Variants in SCARF2 observed in about 807,000 individuals in gnomAD.
SCARF2 encodes scavenger receptor expressed by endothelial cells 2 protein.
A neutral mutation model predicts 73.4 loss-of-function variants in SCARF2; 39 were observed. That is an observed-to-expected ratio of 0.53 (90% confidence interval 0.41 to 0.69). The LOEUF (loss-of-function observed/expected upper bound fraction) is 0.69, where lower values mean the gene tolerates loss of function less well. Among genes scored for constraint, SCARF2 ranks in the 30% least tolerant of loss-of-function variants. The pLI is 0.00. For missense variants in SCARF2, 1,148 were observed against 1,303.5 expected (o/e 0.88, Z 1.84); for synonymous variants, 605 against 590.0 (o/e 1.03, Z -0.37).
chr22:20,427,546 G>A lies in SCARF2; in HGVS notation c.1545C>T (p.Ala515=), dbSNP rs760364705. The part of the protein sequence containing the change: ...RRQKLPKVVV[A]HHDLDNTLNC... ...TGAGTGTGTTATCCAGGTCGTGGTG[G>A]GCCACTGGGGAAGGATGAGGCAGAG... The change falls in exon 10 of 11, where the codon GCC becomes GCT. Residue 515 remains alanine (A), a synonymous_variant. Transcript: ENST00000622235. The A allele has an allele frequency of 2.5e-5, 41 of 1,613,070 alleles. No homozygotes were observed. Among genetic ancestry groups the A allele is most frequent in the Non-Finnish European group, 3.3e-5 (39 of 1,179,978 alleles).
chr22:20,435,986 G>GA (rs1395811480), intron 1 of SCARF2, among the ~76,000 whole-genome samples: 1 of 152,262 alleles, frequency 6.6e-6, no homozygotes, highest in Non-Finnish European at 1.5e-5. Context: ...ACATGACCCA[G>GA]ACCCCAGGTG....
In SCARF2 at chr22:20,425,753, G is replaced by C; in HGVS notation, c.2223C>G (p.Ala741=). Residue 741 remains alanine (A), a synonymous_variant, in exon 11 of 11, where the codon GCC becomes GCG. Coordinates refer to ENST00000622235, the MANE Select transcript of SCARF2 (RefSeq NM_182895.5). This position sits in a 1 kb window ranked among gnomAD's most constrained non-coding sequence, Gnocchi z 4.6. ...TALAAPSPPR[A]RARGRGPGLL... ...GGCCGGGGCCGCGGCCCCGCGCTCG[G>C]GCCCTGGGCGGCGAGGGCGCAGCGA... The C allele has an allele frequency of 7.8e-7, 1 of 1,284,586 alleles. No individual in the cohort carries two copies. Among genetic ancestry groups the C allele is most frequent in the Non-Finnish European group, 9.8e-7 (1 of 1,021,792 alleles). 79.6% of individuals were successfully genotyped at this position (1,284,586 alleles called of 1,614,324 possible). A position where few individuals can be genotyped will look rare whatever the true frequency, so the allele number is the denominator to read the frequency against.
Position 20,430,450 on chromosome 22 carries a change from C to G in SCARF2, c.1181G>C (p.Ser394Thr), listed in dbSNP as rs755363268. 4 of 1,592,710 alleles carry G rather than the reference C, an allele frequency of 2.5e-6. No individual in the cohort carries two copies. The highest frequency in any genetic ancestry group is 2.7e-5 in the African/African-American group (2 of 74,450). ...CDFQSGRCLC[S>T]PGVHGPHCNV... ...TCACTGGGGCCCGTGGACGCCAGGG[C>G]TGCACAGGCAGCGCCCCGACTGGAA... The change falls in exon 6 of 11, where the codon AGC (serine) becomes ACC (threonine). Residue 394 changes from serine to threonine, a missense_variant. Physicochemically the swap from Ser to Thr is moderately conservative, Grantham distance 58 (BLOSUM62 1). Coordinates refer to ENST00000622235, the MANE Select transcript of SCARF2 (RefSeq NM_182895.5).
chr22:20,425,022 A>C lies in SCARF2; in HGVS notation c.*353T>G. 3 of 234,086 alleles carry C rather than the reference A, an allele frequency of 1.3e-5. No individual in the cohort carries two copies. Among genetic ancestry groups the C allele is most frequent in the Non-Finnish European group, 8.3e-6 (1 of 120,732 alleles). 14.5% of individuals were successfully genotyped at this position (234,086 alleles called of 1,614,324 possible). A position where few individuals can be genotyped will look rare whatever the true frequency, so the allele number is the denominator to read the frequency against. On this transcript the variant is annotated 3_prime_UTR_variant, in exon 11 of 11. Coordinates refer to ENST00000622235, the MANE Select transcript of SCARF2 (RefSeq NM_182895.5). The surrounding 1 kb of genome is among the most constrained non-coding windows in gnomAD (Gnocchi z 4.6). ...CTCTGGCTGCAACCAATGAGAAGGT[A>C]GCCCTAACCAAGTCCACTCCTGGCC...
chr22:20,425,324 C>A lies in SCARF2; in HGVS notation c.*51G>T, dbSNP rs1300700272. 3 of 1,309,442 alleles carry A rather than the reference C, an allele frequency of 2.3e-6. No homozygotes were observed. Among genetic ancestry groups the A allele is most frequent in the Non-Finnish European group, 2.9e-6 (3 of 1,020,178 alleles). 81.1% of individuals were successfully genotyped at this position (1,309,442 alleles called of 1,614,324 possible). A position where few individuals can be genotyped will look rare whatever the true frequency, so the allele number is the denominator to read the frequency against. On this transcript the variant is annotated 3_prime_UTR_variant, in exon 11 of 11. Coordinates refer to ENST00000622235, the MANE Select transcript of SCARF2 (RefSeq NM_182895.5). This position sits in a 1 kb window ranked among gnomAD's most constrained non-coding sequence, Gnocchi z 4.6. ...CGGTAGCGTGGGAGGTGTGGGGTGGCGGGCGGCGCTGCGAAGCTGAGGGAG... is the reference window on the plus strand; with the variant it reads ...CGGTAGCGTGGGAGGTGTGGGGTGGAGGGCGGCGCTGCGAAGCTGAGGGAG...
rs144723894 is a variant in SCARF2, at chr22:20,428,058, G to A, written c.1541-508C>T. On this transcript the variant is annotated intron_variant, in intron 9 of 10. Transcript: ENST00000622235. ...GCAGACCCCACAACAGGGGGCCCCA[G>A]AAGCTGGCTAGCCTGGCCTCCATTC... 4.5e-4 allele frequency among the ~76,000 whole-genome samples: 68 copies of A among 152,290 alleles called. 1 individual carries two copies. The East Asian group carries it at 0.013, about 28-fold the overall frequency.
chr22:20,427,265 C>T, intron 10 of SCARF2, 133 bp downstream of exon 10: 2 of 1,122,950 alleles, frequency 1.8e-6, no homozygotes, highest in East Asian at 2.6e-5. Flanking sequence ...TGTGGGCAAC[C>T]CTCAGGTACC....
rs746221356 is a variant in SCARF2, at chr22:20,437,710, CCGGCGCCG to C, written c.37_44del (p.Arg13GlyfsTer112). The C allele has an allele frequency of 7.1e-7, 1 of 1,416,378 alleles. No homozygotes were observed. Among genetic ancestry groups the C allele is most frequent in the South Asian group, 1.4e-5 (1 of 69,924 alleles). 87.7% of individuals were successfully genotyped at this position (1,416,378 alleles called of 1,614,324 possible). A position where few individuals can be genotyped will look rare whatever the true frequency, so the allele number is the denominator to read the frequency against. On this transcript the variant is annotated frameshift_variant, in exon 1 of 11. Transcript: ENST00000622235. LOFTEE classifies it high-confidence loss of function. ...GCGGTGACGGCGGCCCCCCGGCTCC[CCGGCGCCG>C]CGCCGGCCCGGCCCCCCGGGGCCCT...
In SCARF2 at chr22:20,425,533, C is replaced by T. The variant is rs1403325661; in HGVS notation, c.2443G>A (p.Ala815Thr). 6.0e-6 allele frequency: 8 copies of T among 1,338,638 alleles called. No individual in the cohort carries two copies. Among genetic ancestry groups the T allele is most frequent in the Non-Finnish European group, 7.6e-6 (8 of 1,047,568 alleles). The allele number at this position is 1,338,638 out of a possible 1,614,324, so 82.9% of individuals were successfully genotyped here. The change falls in exon 11 of 11, where the codon GCG (alanine) becomes ACG (threonine). Residue 815 changes from alanine to threonine, a missense_variant. By Grantham distance (58) the Ala-to-Thr change is moderately conservative. This residue lies in a region of SCARF2 where 169 missense variants were observed against 136.9 expected (regional missense o/e 1.23). Coordinates refer to ENST00000622235, the MANE Select transcript of SCARF2 (RefSeq NM_182895.5). The surrounding 1 kb of genome is among the most constrained non-coding windows in gnomAD (Gnocchi z 4.6). ...RSVPPASPAR[A>T]PPATETPGPE... ...CCCGGGGTTTCGGTCGCTGGGGGCG[C>T]GCGGGCGGGCGAGGCTGGCGGCACG...
rs150565069 is a variant in SCARF2 at position 20,427,540 on chromosome 22, G to C, written c.1551C>G (p.His517Gln). The change falls in exon 10 of 11, where the codon CAC (histidine) becomes CAG (glutamine). Residue 517 changes from histidine (H) to glutamine (Q), a missense_variant. This residue lies in a region of SCARF2 where 437 missense variants were observed against 433.6 expected (regional missense o/e 1.01). Coordinates refer to ENST00000622235, the MANE Select transcript of SCARF2 (RefSeq NM_182895.5). ...TGCAGTTGAGTGTGTTATCCAGGTCGTGGTGGGCCACTGGGGAAGGATGAG... is the reference window on the plus strand; with the variant it reads ...TGCAGTTGAGTGTGTTATCCAGGTCCTGGTGGGCCACTGGGGAAGGATGAG... ...QKLPKVVVAH[H>Q]DLDNTLNCSF... 7 of 1,613,176 alleles carry C rather than the reference G, an allele frequency of 4.3e-6. No homozygotes were observed. Among genetic ancestry groups the C allele is most frequent in the South Asian group, 1.1e-5 (1 of 91,048 alleles).
Position 20,437,651 on chromosome 22 carries a change from C to G in SCARF2, c.104G>C (p.Trp35Ser), listed in dbSNP as rs1289536700. Residue 35 changes from tryptophan (W) to serine (S), a missense_variant, in exon 1 of 11, where the codon TGG (tryptophan) becomes TCG (serine). Trp to Ser is a radical substitution (Grantham distance 177). Coordinates refer to ENST00000622235, the MANE Select transcript of SCARF2 (RefSeq NM_182895.5). ...LPSLLLLLLL[W>S]MLPDTVAPQE... The stretch of plus-strand genomic sequence containing the variant: ...AGGCGCCACGGTGTCCGGCAGCATC[C>G]AGAGCAGCAGCAGCAGCAGCAGCGA... 14 of 1,543,412 alleles carry G rather than the reference C, an allele frequency of 9.1e-6. No homozygotes were observed. The highest frequency in any genetic ancestry group is 1.1e-5 in the Non-Finnish European group (13 of 1,152,112).
At chr22:20,434,434 T>C (rs1459058695) in intron 1 of SCARF2, among the ~76,000 whole-genome samples, 1 of 152,210 alleles carries the variant, frequency 6.6e-6, no homozygotes, top group East Asian at 1.9e-4. Flanking sequence ...TGCCTCTGAG[T>C]GCACTCGGTC....
In SCARF2 at chr22:20,426,205, T is replaced by G; in HGVS notation, c.1771A>C (p.Thr591Pro). The G allele has an allele frequency of 6.6e-7, 1 of 1,525,462 alleles. No homozygotes were observed. The highest frequency in any genetic ancestry group is 8.8e-7 in the Non-Finnish European group (1 of 1,142,488). The allele number at this position is 1,525,462 out of a possible 1,614,324, so 94.5% of individuals were successfully genotyped here. ...EAPAPSPVPL[T>P]TPASAEEAIP... Reference sequence around the variant, plus strand: ...GCCTCCTCGGCGGAGGCTGGCGTGGTCAAGGGCACAGGGGACGGCGCCGGC... The same window carrying G: ...GCCTCCTCGGCGGAGGCTGGCGTGGGCAAGGGCACAGGGGACGGCGCCGGC... The change falls in exon 11 of 11, where the codon ACC becomes CCC. Residue 591 changes from threonine (T) to proline (P), a missense_variant. Thr to Pro is a conservative substitution (Grantham distance 38). Around this residue, in one of 5 missense-constraint regions of SCARF2, gnomAD observed 437 missense variants for 433.6 expected, o/e 1.01. Transcript: ENST00000622235.
Position 20,429,129 on chromosome 22 carries a change from T to C in SCARF2, c.1540+96A>G, listed in dbSNP as rs1197396395. 1 of 1,514,976 alleles carries C rather than the reference T, an allele frequency of 6.6e-7. No individual in the cohort carries two copies. The highest frequency in any genetic ancestry group is 1.4e-5 in the African/African-American group (1 of 72,758). 93.8% of individuals were successfully genotyped at this position (1,514,976 alleles called of 1,614,324 possible). On this transcript the variant is annotated intron_variant, in intron 9 of 10. Transcript: ENST00000622235. This position sits in a 1 kb window ranked among gnomAD's most constrained non-coding sequence, Gnocchi z 5.2. Reference sequence around the variant, plus strand: ...CACATCAACACTCAAGGTCCCCCATTTCCTCACTGAGATCTGGACCCCCTC... The same window carrying C: ...CACATCAACACTCAAGGTCCCCCATCTCCTCACTGAGATCTGGACCCCCTC...
chr22:20,430,419 G>A lies in SCARF2; in HGVS notation c.1202+10C>T. 1.3e-6 allele frequency: 2 copies of A among 1,585,642 alleles called. No homozygotes were observed. The highest frequency in any genetic ancestry group is 1.7e-6 in the Non-Finnish European group (2 of 1,166,378). On this transcript the variant is annotated intron_variant, in intron 6 of 10. Transcript: ENST00000622235. The stretch of plus-strand genomic sequence containing the variant: ...AGCCCCCAACCCCCTCCCGGTCCCG[G>A]GGCACTCACTGGGGCCCGTGGACGC...
intron 4 of SCARF2, 23 bp from the exon 5 acceptor site, chr22:20,430,931 G>C: frequency 6.4e-7 from 1 of 1,566,588 alleles, no homozygotes; most frequent in Non-Finnish European, 8.6e-7. Flanking sequence ...TCGGAGGCTA[G>C]GGAAGGCTGG....
intron 1 of SCARF2, among the ~76,000 whole-genome samples, chr22:20,433,026 T>G (rs530793306): frequency 1.2e-4 from 19 of 152,342 alleles, no homozygotes; most frequent in African/African-American, 4.6e-4. Flanking sequence ...CTGTTTATGC[T>G]GATTGTCTTC....
rs775850255 is a variant in SCARF2 at position 20,429,667 on chromosome 22, T to G, written c.1307-14A>C. On this transcript the variant is annotated splice_polypyrimidine_tract_variant and intron_variant, in intron 7 of 10. Coordinates refer to ENST00000622235, the MANE Select transcript of SCARF2 (RefSeq NM_182895.5). The surrounding 1 kb of genome is among the most constrained non-coding windows in gnomAD (Gnocchi z 5.2). ...GCTGGTTGGTTTCTGTAGGGGGTTA[T>G]GGGGTCAGCGCGGTTTCTGGCACCC... is the stretch of plus-strand genomic sequence containing the variant. 29 of 1,613,830 alleles carry G rather than the reference T, an allele frequency of 1.8e-5. No individual in the cohort carries two copies. The highest frequency in any genetic ancestry group is 2.4e-5 in the Non-Finnish European group (28 of 1,179,916).
Position 20,429,306 on chromosome 22 carries a change from G to T in SCARF2, c.1459C>A (p.Arg487=), listed in dbSNP as rs1039431311. ...ATGCGACTGAAGCGCCCGCATAGTC[G>T]GTGCGGCGCCTTCTTCCTCCCAAGC... ...LSLGRKKAPH[R]LCGRFSRISM... The change falls in exon 9 of 11, where the codon CGA becomes AGA. Residue 487 remains arginine (R), a synonymous_variant. Coordinates refer to ENST00000622235, the MANE Select transcript of SCARF2 (RefSeq NM_182895.5). The surrounding 1 kb of genome is among the most constrained non-coding windows in gnomAD (Gnocchi z 5.2). 3.6e-5 allele frequency: 58 copies of T among 1,613,212 alleles called. No homozygotes were observed. The highest frequency in any genetic ancestry group is 4.5e-5 in the Non-Finnish European group (53 of 1,179,938).
Sources: gnomAD v4.1 joint callset for allele counts (sites outside exome capture counted in the v4.1 genomes callset) on GRCh38, gnomAD v4.1.1 for gene constraint, gnomAD v4.1.1 regional missense constraint, Gnocchi (gnomAD v3.1) non-coding constraint, MANE v1.5 for transcripts, NCBI Gene and HGNC (gene_info 2026-07-23, HGNC 2026-07-21) for gene names.